The following FBXW11 variants were observed in gnomAD, a reference collection of about 807,000 sequenced individuals.
The protein encoded by FBXW11 is F-box and WD repeat domain containing 11.
FBXW11 carries 19 observed loss-of-function variants against 77.6 expected under a neutral mutation model. The ratio of observed to expected loss-of-function variants is 0.24; its 90% confidence interval spans 0.17 to 0.36. The LOEUF is 0.36. FBXW11 is among the 10% of genes least tolerant of loss of function. The probability of loss-of-function intolerance (pLI) is 1.00; values close to 1 mark genes in which losing one functional copy is unlikely to be tolerated. For missense variants in FBXW11, 334 were observed against 704.2 expected (o/e 0.47, Z 5.95); for synonymous variants, 235 against 249.4 (o/e 0.94, Z 0.54).
At chr5:171,900,841 C>T (rs1229597294) in intron 4 of FBXW11, among the ~76,000 whole-genome samples, 3 of 152,106 alleles carry the variant, frequency 2.0e-5, no homozygotes, top group African/African-American at 7.2e-5. Flanking sequence ...CAACCTCCCA[C>T]GATACAAGGA....
intron 7 of FBXW11, among the ~76,000 whole-genome samples, chr5:171,879,544 T>C (rs1012835072): frequency 2.6e-5 from 4 of 152,250 alleles, no homozygotes; most frequent in African/African-American, 9.6e-5. Context: ...GGCTGTACTA[T>C]TTTCCATTTC....
intron 1 of FBXW11, among the ~76,000 whole-genome samples, chr5:171,993,568 G>A (rs750947765): frequency 2.6e-5 from 4 of 151,954 alleles, no homozygotes; most frequent in South Asian, 2.1e-4. Context: ...AGCCACGATC[G>A]CGCCACTGCA....
chr5:171,916,336 C>A (rs1761254756), intron 2 of FBXW11: 1 of 460,220 alleles, frequency 2.2e-6, no homozygotes, highest in South Asian at 9.2e-5. Flanking sequence ...ACAGGATGCT[C>A]CAGATGGCCG....
intron 2 of FBXW11, among the ~76,000 whole-genome samples, chr5:171,952,408 G>A (rs1288167090): frequency 1.2e-5 from 1 of 83,464 alleles, no homozygotes; most frequent in African/African-American, 4.3e-5. Flanking sequence ...GTGTGTGTGT[G>A]TTGTGTGTAC....
intron 7 of FBXW11, among the ~76,000 whole-genome samples, chr5:171,882,113 G>A (rs777882354): frequency 6.6e-6 from 1 of 151,902 alleles, no homozygotes; most frequent in Non-Finnish European, 1.5e-5. Context: ...TGCTTACTAC[G>A]GATTTAAACT....
chr5:171,923,910 T>TG (rs1761740679), intron 2 of FBXW11, among the ~76,000 whole-genome samples: 13 of 924 alleles, frequency 0.014, no homozygotes, highest in Non-Finnish European at 0.033. Flanking sequence ...AAACCCCACC[T>TG]TTTTTTTTTT....
chr5:171,986,946 C>T (rs1581079690), intron 1 of FBXW11, among the ~76,000 whole-genome samples: 1 of 152,196 alleles, frequency 6.6e-6, no homozygotes, highest in South Asian at 2.1e-4. Flanking sequence ...TGTCCCCTAA[C>T]ACTCGCATTA....
At chr5:171,985,807 C>T (rs1210600888) in intron 1 of FBXW11, among the ~76,000 whole-genome samples, 1 of 152,086 alleles carries the variant, frequency 6.6e-6, no homozygotes, top group Non-Finnish European at 1.5e-5. Context: ...CTTAGCCAGA[C>T]ATGGTGGCAT....
At chr5:171,944,683 T>C (rs897309743) in intron 2 of FBXW11, among the ~76,000 whole-genome samples, 28 of 151,834 alleles carry the variant, frequency 1.8e-4, no homozygotes, top group Admixed American at 5.9e-4. Context: ...ACCCCAATGG[T>C]CTATAATAAA....
At chr5:171,930,730 A>AAAAT (rs1762128151) in intron 2 of FBXW11, among the ~76,000 whole-genome samples, 1 of 113,434 alleles carries the variant, frequency 8.8e-6, no homozygotes, top group Non-Finnish European at 1.8e-5. Context: ...TAAAAAAAAT[A>AAAAT]AATAAAAAAT....
At chr5:171,942,693 T>A (rs1451956150) in intron 2 of FBXW11, among the ~76,000 whole-genome samples, 1 of 152,018 alleles carries the variant, frequency 6.6e-6, no homozygotes, top group Non-Finnish European at 1.5e-5. Flanking sequence ...GTCCAGTTGC[T>A]CAGAAGGCTG....
Position 171,868,648 on chromosome 5 carries a change from T to C in FBXW11, c.1679A>G (p.Tyr560Cys), listed in dbSNP as rs1209786874. The C allele has an allele frequency of 2.5e-6, 4 of 1,613,096 alleles. No homozygotes were observed. Among genetic ancestry groups the C allele is most frequent in the Non-Finnish European group, 3.4e-6 (4 of 1,179,694 alleles). Residue 560 changes from tyrosine to cysteine, a missense_variant, in exon 13 of 14, where the codon TAC (tyrosine) becomes TGC (cysteine). Physicochemically the swap from Tyr to Cys is radical, Grantham distance 194. This residue lies in a region of FBXW11 where 20 missense variants were observed against 26.8 expected (regional missense o/e 0.75). Transcript: ENST00000517395. ...ETRSPSRTYT[Y>C]ISR Reference sequence around the variant, plus strand: ...AAGTGCAGACTGTTATCTAGAGATGTAAGTGTATGTTCTGGAGGGAGAACG... The same window carrying C: ...AAGTGCAGACTGTTATCTAGAGATGCAAGTGTATGTTCTGGAGGGAGAACG...
chr5:171,903,126 T>C (rs1013958659), intron 4 of FBXW11, among the ~76,000 whole-genome samples: 1 of 152,198 alleles, frequency 6.6e-6, no homozygotes, highest in Admixed American at 6.5e-5. Flanking sequence ...TCACAGGGAC[T>C]CACTCTATCA....
In FBXW11 at chr5:171,933,415, C is replaced by G. The variant is rs919460674; in HGVS notation, c.148-19010G>C. Among the ~76,000 whole-genome samples, 4 of 152,240 alleles carry G rather than the reference C, an allele frequency of 2.6e-5. No homozygotes were observed. In the East Asian group the frequency reaches 5.8e-4, roughly 22 times the overall value. ...AGTGAAACTATTCTGTATGATACTGCAATGATGGAAACATGTTATTATATC... is the reference window on the plus strand; with the variant it reads ...AGTGAAACTATTCTGTATGATACTGGAATGATGGAAACATGTTATTATATC... On this transcript the variant is annotated intron_variant, in intron 2 of 13. Transcript: ENST00000517395.
intron 1 of FBXW11, among the ~76,000 whole-genome samples, chr5:171,973,542 A>C (rs907499392): frequency 6.6e-6 from 1 of 152,238 alleles, no homozygotes; most frequent in Non-Finnish European, 1.5e-5. Context: ...CTGAGAAACC[A>C]TAACAGCCAA....
chr5:171,983,301 A>T (rs1476725649), intron 1 of FBXW11, among the ~76,000 whole-genome samples: 1 of 152,008 alleles, frequency 6.6e-6, no homozygotes, highest in African/African-American at 2.4e-5. Flanking sequence ...CCCATACCTC[A>T]CCCTACACAT....
At chr5:171,877,821 G>C (rs574033273) in intron 8 of FBXW11, among the ~76,000 whole-genome samples, 190 bp downstream of exon 8, 1 of 152,164 alleles carries the variant, frequency 6.6e-6, no homozygotes, top group Admixed American at 6.5e-5. Context: ...AACAGCAATA[G>C]GAATAGAACA....
At chr5:171,872,328 G>A (rs17074114) in intron 10 of FBXW11, among the ~76,000 whole-genome samples, 3,516 of 152,304 alleles carry the variant, frequency 0.023, 130 homozygotes, top group African/African-American at 0.08. Flanking sequence ...CCACTAGAGT[G>A]TGTTGAGACA....
Position 171,978,500 on chromosome 5 carries a change from A to G in FBXW11, c.46-20802T>C, listed in dbSNP as rs184893827. On this transcript the variant is annotated intron_variant, in intron 1 of 13. Coordinates refer to ENST00000517395, the MANE Select transcript of FBXW11 (RefSeq NM_001378974.1). ...AATTCCCAACAGAACCCCACCTCAA[A>G]GCAGCAAAGGCTAGTAGTAGGAGTG... 3.5e-3 allele frequency among the ~76,000 whole-genome samples: 540 copies of G among 152,354 alleles called. 3 individuals are homozygous for G. The highest frequency in any genetic ancestry group is 0.012 in the African/African-American group (517 of 41,586).
Sources: allele counts gnomAD v4.1 joint callset (sites outside exome capture counted in the v4.1 genomes callset), GRCh38; gene constraint gnomAD v4.1.1; regional missense constraint gnomAD v4.1.1; transcripts MANE v1.5; gene names NCBI Gene and HGNC (gene_info 2026-07-23, HGNC 2026-07-21).